CTNNA2: variants seen among roughly 807,000 people sequenced by gnomAD.
CTNNA2 encodes catenin alpha-2.
Under a neutral mutation model 101.0 loss-of-function variants are expected in CTNNA2, and 42 were observed. The ratio of observed to expected loss-of-function variants is 0.42; its 90% CI spans 0.32 to 0.54. CTNNA2 has a LOEUF of 0.54. Among genes scored for constraint, CTNNA2 ranks in the 20% least tolerant of loss-of-function variants. CTNNA2 has a pLI of 0.14. For synonymous variants in CTNNA2, 450 were observed against 456.4 expected, an observed-to-expected ratio of 0.99 and a Z score of 0.18; for missense variants, 871 against 1,223.1, an observed-to-expected ratio of 0.71 and a Z score of 4.29.
intron 3 of CTNNA2, among the ~76,000 whole-genome samples, chr2:79,766,989 C>G (rs1271037411): frequency 6.6e-6 from 1 of 151,774 alleles, no homozygotes; most frequent in African/African-American, 2.4e-5. Flanking sequence ...CTCCTGACCT[C>G]GTGATCCGCC....
rs769239555 is a variant in CTNNA2, at chr2:80,075,515, A to G, written c.1056+165718A>G. ...TTGCTTAGGAAAATGCATAGCACAT[A>G]GTCATCAAAAAATAACTGTTATAAA... On this transcript the variant is annotated intron_variant, in intron 7 of 18. Coordinates refer to ENST00000402739, the MANE Select transcript of CTNNA2 (RefSeq NM_001282597.3). Among the ~76,000 whole-genome samples the G allele has an allele frequency of 1.4e-4, 21 of 149,018 alleles. 1 individual carries two copies. Among genetic ancestry groups the G allele is most frequent in the Admixed American group, 4.7e-4 (7 of 14,824 alleles).
intron 7 of CTNNA2, among the ~76,000 whole-genome samples, chr2:79,939,192 G>A (rs1687983776): frequency 6.6e-6 from 1 of 152,132 alleles, no homozygotes; most frequent in Admixed American, 6.5e-5. Flanking sequence ...AAATATTCAA[G>A]GCACAGCACC....
At position 79,391,200 on chromosome 2, in the gene CTNNA2, T is replaced by A. The variant is rs1290041121; in HGVS notation, c.-135+17187T>A. Among the ~76,000 whole-genome samples, 3 of 151,910 alleles carry A rather than the reference T, an allele frequency of 2.0e-5. No individual in the cohort carries two copies. In the East Asian group the frequency reaches 5.8e-4, roughly 29 times the overall value. On this transcript the variant is annotated intron_variant, in intron 4 of 21. Transcript: ENST00000466387. ...ACAGTTGACCCTTGAAAAATATGGG[T>A]TTTAATTTTGTGAGCTCACTTACAC...
Position 80,306,042 on chromosome 2 carries a change from G to A in CTNNA2, c.1057-87169G>A, listed in dbSNP as rs200661291. Among the ~76,000 whole-genome samples the A allele has an allele frequency of 3.3e-5, 5 of 152,330 alleles. No homozygotes were observed. The East Asian group carries it at 7.7e-4, about 24-fold the overall frequency. On this transcript the variant is annotated intron_variant, in intron 7 of 18. Coordinates refer to ENST00000402739, the MANE Select transcript of CTNNA2 (RefSeq NM_001282597.3). ...GGACAAGTAACTGGATTGGTCCTTA[G>A]CATCTAAGCTGAAGAGGCCAACCAA...
At chr2:79,989,836 G>C (rs1426047377) in intron 7 of CTNNA2, among the ~76,000 whole-genome samples, 3 of 152,178 alleles carry the variant, frequency 2.0e-5, no homozygotes, top group African/African-American at 7.2e-5. Context: ...GTCAGTGACA[G>C]GGTGACATTT....
intron 2 of CTNNA2, among the ~76,000 whole-genome samples, chr2:79,252,599 T>C (rs781150394): frequency 2.0e-5 from 3 of 152,162 alleles, no homozygotes; most frequent in Non-Finnish European, 4.4e-5. Flanking sequence ...ATTTGTAAGT[T>C]TTTTTAATCA....
intron 7 of CTNNA2, among the ~76,000 whole-genome samples, chr2:80,309,886 A>G (rs1052040549): frequency 6.6e-5 from 10 of 150,796 alleles, no homozygotes; most frequent in Non-Finnish European, 1.3e-4. Context: ...AAAAAAATGT[A>G]AATAGAGAAA....
intron 7 of CTNNA2, among the ~76,000 whole-genome samples, chr2:80,161,800 A>G (rs1704339331): frequency 6.6e-6 from 1 of 152,186 alleles, no homozygotes; most frequent in Admixed American, 6.5e-5. Flanking sequence ...ACGTGTAGAG[A>G]TATTTTAACT....
Position 80,302,121 on chromosome 2 carries a change from G to T in CTNNA2, c.1057-91090G>T. 8.3e-7 allele frequency: 1 copy of T among 1,200,794 alleles called. No homozygotes were observed. The allele number at this position is 1,200,794 out of a possible 1,614,324, so 74.4% of individuals were successfully genotyped here. Reference sequence around the variant, plus strand: ...GCTAAAATGTCAAGTCTCTGGGAGAGATCCCCTTAAAGTTTCAGTCAAGGA... The same window carrying T: ...GCTAAAATGTCAAGTCTCTGGGAGATATCCCCTTAAAGTTTCAGTCAAGGA... On this transcript the variant is annotated intron_variant, in intron 7 of 18. Coordinates refer to ENST00000402739, the MANE Select transcript of CTNNA2 (RefSeq NM_001282597.3). The surrounding 1 kb of genome is among the most constrained non-coding windows in gnomAD (Gnocchi z 6.4).
intron 7 of CTNNA2, among the ~76,000 whole-genome samples, chr2:79,914,977 C>T (rs1163971533): frequency 6.6e-6 from 1 of 151,478 alleles, no homozygotes; most frequent in African/African-American, 2.4e-5. Context: ...CCTGAAGGAG[C>T]CCACTTGTGA....
intron 7 of CTNNA2, among the ~76,000 whole-genome samples, chr2:80,089,107 G>T (rs780666723): frequency 6.6e-6 from 1 of 151,930 alleles, no homozygotes; most frequent in East Asian, 1.9e-4. Flanking sequence ...GTTCTTTGGC[G>T]TGTACCACTT....
At chr2:80,494,810 T>C (rs1321942289) in intron 9 of CTNNA2, among the ~76,000 whole-genome samples, 1 of 152,136 alleles carries the variant, frequency 6.6e-6, no homozygotes, top group Non-Finnish European at 1.5e-5. Context: ...CTTAACTCAT[T>C]AATGAGGAAA....
chr2:80,524,165 CATTGAAT>C (rs1689822191), intron 9 of CTNNA2, among the ~76,000 whole-genome samples: 1 of 152,052 alleles, frequency 6.6e-6, no homozygotes, highest in Admixed American at 6.6e-5. Context: ...GGAGACAGAC[CATTGAAT>C]ATTCCTGGCT....
At chr2:80,041,954 GT>G (rs992447054) in intron 7 of CTNNA2, among the ~76,000 whole-genome samples, 3 of 151,910 alleles carry the variant, frequency 2.0e-5, no homozygotes, top group Admixed American at 6.6e-5. Context: ...TTTTTTCTGT[GT>G]TTTTTTGTTG....
chr2:79,685,203 A>T (rs1288246388), intron 2 of CTNNA2, among the ~76,000 whole-genome samples: 2 of 152,170 alleles, frequency 1.3e-5, no homozygotes, highest in African/African-American at 4.8e-5. Flanking sequence ...TATATTCATA[A>T]ACTAGATTAG....
At chr2:79,437,407 C>T (rs68020952) in intron 4 of CTNNA2, among the ~76,000 whole-genome samples, 28,344 of 152,122 alleles carry the variant, frequency 0.19, 2,723 homozygotes, top group Middle Eastern at 0.32. Flanking sequence ...TTCCTCACAG[C>T]TCCCAGGTGC....
chr2:79,851,633 G>A (rs1680711000), intron 3 of CTNNA2, among the ~76,000 whole-genome samples: 1 of 151,984 alleles, frequency 6.6e-6, no homozygotes, highest in Non-Finnish European at 1.5e-5. Context: ...TGTTAGGCAG[G>A]TGTCGGTTAT....
intron 7 of CTNNA2, among the ~76,000 whole-genome samples, chr2:80,205,444 G>A (rs181205142): frequency 4.5e-4 from 68 of 152,202 alleles, no homozygotes; most frequent in African/African-American, 1.6e-3. Context: ...TGACACTGAC[G>A]GTCCAGAGGC....
At chr2:80,639,738 C>T (rs1260131839) in intron 18 of CTNNA2, among the ~76,000 whole-genome samples, 1 of 152,076 alleles carries the variant, frequency 6.6e-6, no homozygotes, top group East Asian at 1.9e-4. Context: ...GGTATTAGTA[C>T]AAAAAAGTGC....
Sources: allele counts gnomAD v4.1 joint callset (sites outside exome capture counted in the v4.1 genomes callset), GRCh38; gene constraint gnomAD v4.1.1; non-coding constraint Gnocchi (gnomAD v3.1); transcripts MANE v1.5; gene names NCBI Gene and HGNC (gene_info 2026-07-23, HGNC 2026-07-21).